Variants in CNTNAP2 observed in about 807,000 individuals in gnomAD.
The protein encoded by CNTNAP2 is contactin-associated protein-like 2.
A neutral mutation model predicts 155.2 loss-of-function variants in CNTNAP2; 98 were observed. That is an observed-to-expected ratio of 0.63 (90% CI 0.54 to 0.75). CNTNAP2 has a LOEUF of 0.75. Among genes scored for constraint, CNTNAP2 ranks in the 30% least tolerant of loss-of-function variants. The pLI is 0.00. For synonymous variants in CNTNAP2, 651 were observed against 631.2 expected (o/e 1.03, Z -0.47); for missense variants, 1,727 against 1,688.1 (o/e 1.02, Z -0.40).
intron 15 of CNTNAP2, among the ~76,000 whole-genome samples, chr7:148,034,822 G>A (rs1563175174): frequency 1.3e-5 from 2 of 152,168 alleles, no homozygotes; most frequent in African/African-American, 2.4e-5. Flanking sequence ...GGGAAGTAGA[G>A]ATTACTAAGT....
chr7:147,674,297 GTCTTT>G (rs1795834034), intron 13 of CNTNAP2, among the ~76,000 whole-genome samples: 1 of 152,088 alleles, frequency 6.6e-6, no homozygotes, highest in Non-Finnish European at 1.5e-5. Flanking sequence ...CCAAATAAAA[GTCTTT>G]ACAGTTTCAT....
At chr7:146,935,943 G>C (rs1189261866) in intron 3 of CNTNAP2, among the ~76,000 whole-genome samples, 1 of 152,114 alleles carries the variant, frequency 6.6e-6, no homozygotes, top group Non-Finnish European at 1.5e-5. Flanking sequence ...AGTCTCCCTG[G>C]TGTGCTGTAT....
Position 146,739,385 on chromosome 7 carries a change from C to T in CNTNAP2, c.98-34886C>T, listed in dbSNP as rs73170307. ...GTCTCAAGAAATTTTTTAAAGTTTTCATGAACATTTTTTCACAGACTCATT... is the reference window on the plus strand; with the variant it reads ...GTCTCAAGAAATTTTTTAAAGTTTTTATGAACATTTTTTCACAGACTCATT... On this transcript the variant is annotated intron_variant, in intron 1 of 23. Transcript: ENST00000361727. 4.8e-3 allele frequency among the ~76,000 whole-genome samples: 729 copies of T among 151,952 alleles called. 4 individuals carry two copies. The highest frequency in any genetic ancestry group is 7.9e-3 in the Non-Finnish European group (538 of 67,836).
chr7:148,331,638 T>C (rs1050527652), intron 21 of CNTNAP2, among the ~76,000 whole-genome samples: 178 of 147,614 alleles, frequency 1.2e-3, no homozygotes, highest in South Asian at 2.5e-3. Flanking sequence ...ATGGAGTGGA[T>C]GGATGGAATG....
intron 1 of CNTNAP2, among the ~76,000 whole-genome samples, chr7:146,731,292 G>A (rs943960529): frequency 6.6e-6 from 1 of 152,108 alleles, no homozygotes; most frequent in Non-Finnish European, 1.5e-5. Flanking sequence ...ACAACAGCAG[G>A]ACTGAGGCAC....
chr7:146,394,565 T>G (rs1217663642), intron 1 of CNTNAP2, among the ~76,000 whole-genome samples: 1 of 152,122 alleles, frequency 6.6e-6, no homozygotes, highest in African/African-American at 2.4e-5. Flanking sequence ...CATGACAGGT[T>G]AAGTGAACAG....
intron 13 of CNTNAP2, among the ~76,000 whole-genome samples, chr7:147,725,346 A>C (rs1053761183): frequency 6.6e-6 from 1 of 152,084 alleles, no homozygotes; most frequent in Non-Finnish European, 1.5e-5. Context: ...AATTAATGTT[A>C]TTTTCCTTTA....
At position 146,265,533 on chromosome 7, in the gene CNTNAP2, G is replaced by A. The variant is rs572718884; in HGVS notation, c.97+148560G>A. Among the ~76,000 whole-genome samples, 9 of 146,818 alleles carry A rather than the reference G, an allele frequency of 6.1e-5. No individual in the cohort carries two copies. The East Asian group carries it at 1.0e-3, about 16-fold the overall frequency. ...GAGTGCAGTGGTGTGATCTCAGCTCGCTACAACTTCTGCCTCCTGGGCTCA... is the reference window on the plus strand; with the variant it reads ...GAGTGCAGTGGTGTGATCTCAGCTCACTACAACTTCTGCCTCCTGGGCTCA... On this transcript the variant is annotated intron_variant, in intron 1 of 23. Coordinates refer to ENST00000361727, the MANE Select transcript of CNTNAP2 (RefSeq NM_014141.6).
intron 15 of CNTNAP2, among the ~76,000 whole-genome samples, chr7:148,031,936 C>T (rs1297875154): frequency 2.0e-5 from 3 of 152,126 alleles, no homozygotes; most frequent in East Asian, 1.9e-4. Context: ...AAGTTATCTA[C>T]TTAGGGAAGA....
At chr7:148,245,905 A>G (rs1014335681) in intron 20 of CNTNAP2, among the ~76,000 whole-genome samples, 2 of 152,008 alleles carry the variant, frequency 1.3e-5, no homozygotes, top group African/African-American at 4.8e-5. Context: ...TCCATTCCTC[A>G]CCATTTCTAC....
intron 2 of CNTNAP2, among the ~76,000 whole-genome samples, chr7:146,832,611 A>ATATTTTATATATTG (rs1283145320): frequency 9.5e-5 from 14 of 148,010 alleles, no homozygotes; most frequent in Non-Finnish European, 1.5e-4. Flanking sequence ...ATTATATATT[A>ATATTTTATATATTG]TATTTTATAT....
intron 21 of CNTNAP2, among the ~76,000 whole-genome samples, chr7:148,334,668 G>A (rs1400358283): frequency 6.6e-6 from 1 of 152,150 alleles, no homozygotes; most frequent in African/African-American, 2.4e-5. Context: ...CCCCAGCATG[G>A]AGCACCAGGG....
chr7:147,444,443 T>C (rs143343219), intron 10 of CNTNAP2, among the ~76,000 whole-genome samples: 1 of 152,178 alleles, frequency 6.6e-6, no homozygotes, highest in Non-Finnish European at 1.5e-5. Flanking sequence ...GCTTACATTA[T>C]ATTCTTTAGT....
chr7:148,350,314 A>G (rs371238331), intron 21 of CNTNAP2, among the ~76,000 whole-genome samples: 1 of 152,200 alleles, frequency 6.6e-6, no homozygotes, highest in South Asian at 2.1e-4. Flanking sequence ...AGGGCAGGCA[A>G]GGACTCCAGG....
At chr7:146,628,908 AC>A (rs1418001688) in intron 1 of CNTNAP2, among the ~76,000 whole-genome samples, 1 of 152,108 alleles carries the variant, frequency 6.6e-6, no homozygotes, top group African/African-American at 2.4e-5. Context: ...AACTTAAATA[AC>A]CTACTGCACA....
intron 17 of CNTNAP2, among the ~76,000 whole-genome samples, chr7:148,153,834 C>T (rs1422926425): frequency 5.9e-5 from 9 of 152,176 alleles, no homozygotes; most frequent in Admixed American, 6.5e-5. Context: ...AACACCACTG[C>T]GGGGAGCCAA....
chr7:148,328,698 G>A (rs953686618), intron 21 of CNTNAP2, among the ~76,000 whole-genome samples: 7 of 152,010 alleles, frequency 4.6e-5, no homozygotes, highest in South Asian at 2.1e-4. Flanking sequence ...AGCTGGGCGC[G>A]GTGGCTCACA....
intron 10 of CNTNAP2, among the ~76,000 whole-genome samples, chr7:147,450,866 C>A (rs572690773): frequency 6.6e-6 from 1 of 152,170 alleles, no homozygotes; most frequent in African/African-American, 2.4e-5. Context: ...TTGTCTGTCA[C>A]CTCCATTAAA....
intron 3 of CNTNAP2, among the ~76,000 whole-genome samples, chr7:146,857,610 G>T (rs1795015718): frequency 1.3e-5 from 2 of 152,148 alleles, no homozygotes; most frequent in Admixed American, 1.3e-4. Flanking sequence ...AGAGGAAAAA[G>T]AAGTTAGACC....
Sources: gnomAD v4.1 joint callset for allele counts (sites outside exome capture counted in the v4.1 genomes callset) on GRCh38, gnomAD v4.1.1 for gene constraint, MANE v1.5 for transcripts, NCBI Gene and HGNC (gene_info 2026-07-23, HGNC 2026-07-21) for gene names.